ANKRD36C: variants seen among roughly 807,000 people sequenced by gnomAD.
The protein encoded by ANKRD36C is ankyrin repeat domain 36C.
A neutral mutation model predicts 276.4 loss-of-function variants in ANKRD36C; 61 were observed. The ratio of observed to expected loss-of-function variants is 0.22; its 90% CI spans 0.18 to 0.27. ANKRD36C has a LOEUF of 0.27. Among genes scored for constraint, ANKRD36C ranks in the 10% least tolerant of loss-of-function variants. The pLI, the probability that ANKRD36C is intolerant of heterozygous loss-of-function variation, is 1.00. For synonymous variants in ANKRD36C, 483 were observed against 680.1 expected (o/e 0.71, Z 4.51); for missense variants, 1,447 against 2,032.3 (o/e 0.71, Z 5.54).
intron 59 of ANKRD36C, among the ~76,000 whole-genome samples, chr2:95,868,197 C>T (rs1398269802): frequency 2.0e-5 from 3 of 152,260 alleles, no homozygotes. Flanking sequence ...TGCTTTCATA[C>T]TTATTTGCAC....
intron 22 of ANKRD36C, among the ~76,000 whole-genome samples, chr2:95,936,111 T>A (rs78511647): frequency 1.3e-4 from 18 of 141,012 alleles, no homozygotes; most frequent in South Asian, 7.2e-4. Flanking sequence ...ATTCTCAACT[T>A]TAGCCCTCCT....
intron 30 of ANKRD36C, among the ~76,000 whole-genome samples, chr2:95,924,849 CT>C (rs1176578822): frequency 1.3e-5 from 2 of 151,540 alleles, no homozygotes; most frequent in Non-Finnish European, 3.0e-5. Flanking sequence ...CCAAAATTAC[CT>C]AAATAACTTC....
intron 8 of ANKRD36C, among the ~76,000 whole-genome samples, chr2:95,961,841 AC>A (rs1215610867): frequency 6.6e-6 from 1 of 151,120 alleles, no homozygotes; most frequent in African/African-American, 2.4e-5. Flanking sequence ...TGCAGCAGAA[AC>A]CCCAAAATTA....
At chr2:95,884,089 C>A in intron 54 of ANKRD36C, 84 bp downstream of exon 74, 7 of 1,442,334 alleles carry the variant, frequency 4.9e-6, no homozygotes, top group Non-Finnish European at 6.7e-6. Flanking sequence ...GCAGCTTCGA[C>A]GAGCCCTCCG....
intron 1 of ANKRD36C, among the ~76,000 whole-genome samples, chr2:95,990,663 A>T (rs1679121022): frequency 6.6e-6 from 1 of 152,250 alleles, no homozygotes; most frequent in African/African-American, 2.4e-5. Context: ...AACTTTAGAA[A>T]AATGTGTCTT....
exon 47 of ANKRD36C, chr2:95,889,966 C>A: frequency 6.2e-7 from 1 of 1,609,798 alleles, no homozygotes; most frequent in Non-Finnish European, 8.5e-7. Flanking sequence ...GTTTAATTAC[C>A]TTCAAGGCTG....
intron 42 of ANKRD36C, among the ~76,000 whole-genome samples, chr2:95,907,764 T>A (rs567395379): frequency 6.7e-6 from 1 of 149,774 alleles, no homozygotes; most frequent in Admixed American, 6.6e-5. Flanking sequence ...AGGAAACAAA[T>A]TTATTCATAT....
intron 54 of ANKRD36C, 24 bp downstream of exon 74, chr2:95,884,149 A>G (rs752016143): frequency 1.9e-6 from 3 of 1,597,080 alleles, no homozygotes; most frequent in Non-Finnish European, 2.6e-6. Flanking sequence ...TGAACATGAC[A>G]TTAAATGTGT....
At chr2:95,930,146 C>G (rs1310353380) in intron 24 of ANKRD36C, among the ~76,000 whole-genome samples, 1 of 151,582 alleles carries the variant, frequency 6.6e-6, no homozygotes, top group Admixed American at 6.6e-5. Context: ...ATGTTATTCT[C>G]TAGAGAATTT....
rs75262643 is a variant in ANKRD36C at position 95,852,338 on chromosome 2, G to A, written c.5149-142C>T. 1.6e-5 allele frequency: 11 copies of A among 696,252 alleles called. No individual in the cohort carries two copies. The East Asian group carries it at 2.2e-4, about 14-fold the overall frequency. The allele number at this position is 696,252 out of a possible 1,614,324, so 43.1% of individuals were successfully genotyped here. On this transcript the variant is annotated intron_variant, in intron 64 of 66. Coordinates refer to ENST00000456556, the Ensembl canonical transcript of ANKRD36C. ...TATAAAAGGTCATAATCTAGGAGAA[G>A]TCATCCCATTACCTGTTTTTTGTAA...
intron 32 of ANKRD36C, among the ~76,000 whole-genome samples, chr2:95,922,173 G>T (rs979129857): frequency 5.3e-5 from 8 of 151,600 alleles, no homozygotes; most frequent in Admixed American, 5.3e-4. Context: ...GCACCCACTT[G>T]TCTTTTATGC....
chr2:95,849,200 C>G (rs920645298), downstream of ANKRD36C, among the ~76,000 whole-genome samples: 8 of 152,070 alleles, frequency 5.3e-5, no homozygotes, highest in Non-Finnish European at 7.4e-5. Flanking sequence ...GCTGAGACTA[C>G]AGGCATGCAC....
At chr2:95,958,511 C>G in intron 12 of ANKRD36C, 80 bp downstream of exon 12, 1 of 1,505,990 alleles carries the variant, frequency 6.6e-7, no homozygotes, top group Admixed American at 2.0e-5. Flanking sequence ...TTCAATGAGC[C>G]CCCTGCTGAT....
intron 44 of ANKRD36C, among the ~76,000 whole-genome samples, chr2:95,894,629 T>A (rs1676482750): frequency 1.3e-5 from 2 of 151,408 alleles, no homozygotes; most frequent in African/African-American, 4.8e-5. Flanking sequence ...AACAGCTATT[T>A]TATACAAGAG....
intron 19 of ANKRD36C, 147 bp from the exon 20 acceptor site, chr2:95,941,346 T>A: frequency 1.8e-6 from 2 of 1,096,178 alleles, no homozygotes; most frequent in Non-Finnish European, 2.3e-6. Flanking sequence ...CCAATTTTAT[T>A]TATTTATCAA....
intron 17 of ANKRD36C, among the ~76,000 whole-genome samples, chr2:95,945,378 A>C: frequency 6.6e-6 from 1 of 152,310 alleles, no homozygotes; most frequent in East Asian, 1.9e-4. Context: ...TATTCTCAAA[A>C]TGTTACTCCT....
chr2:95,888,431 G>A (rs1285697336), intron 48 of ANKRD36C, among the ~76,000 whole-genome samples: 3 of 151,660 alleles, frequency 2.0e-5, no homozygotes, highest in Non-Finnish European at 4.4e-5. Context: ...AAAATCAGAG[G>A]AGCAACTCAT....
chr2:95,866,981 A>G lies in ANKRD36C; in HGVS notation c.3682+459T>C, dbSNP rs71427059. On this transcript the variant is annotated intron_variant, in intron 60 of 66. Transcript: ENST00000456556. ...ATGCAGTATAAAGCTCGAGGACTGA[A>G]ATCCATACCTTATAGCAATAAATGG... is the stretch of plus-strand genomic sequence containing the variant. Among the ~76,000 whole-genome samples, 64 of 152,304 alleles carry G rather than the reference A, an allele frequency of 4.2e-4. 3 individuals carry two copies. In the South Asian group the frequency reaches 0.012, roughly 29 times the overall value.
chr2:95,912,380 T>A, intron 41 of ANKRD36C, 27 bp downstream of exon 43: 2 of 1,603,774 alleles, frequency 1.2e-6, no homozygotes. Flanking sequence ...GTTTACTAGC[T>A]CACAATATGA....
Sources: allele counts gnomAD v4.1 joint callset (sites outside exome capture counted in the v4.1 genomes callset), GRCh38; gene constraint gnomAD v4.1.1; transcripts MANE v1.5; gene names NCBI Gene and HGNC (gene_info 2026-07-23, HGNC 2026-07-21).